Variants in HIP1R observed in about 807,000 individuals in gnomAD.
The protein encoded by HIP1R is huntingtin-interacting protein 1-related protein.
HIP1R carries 135 observed loss-of-function variants against 144.2 expected under a neutral mutation model. The ratio of observed to expected loss-of-function variants is 0.94; its 90% confidence interval spans 0.81 to 1.08. The LOEUF (loss-of-function observed/expected upper bound fraction) is 1.08, where lower values mean the gene tolerates loss of function less well. Ranked by LOEUF, HIP1R falls within the 50% of genes least tolerant of loss-of-function variation. The probability of loss-of-function intolerance (pLI) is 0.00; values close to 1 mark genes in which losing one functional copy is unlikely to be tolerated. For synonymous variants in HIP1R, 698 were observed against 612.8 expected, an observed-to-expected ratio of 1.14 and a Z score of -2.05; for missense variants, 1,462 against 1,432.8, an observed-to-expected ratio of 1.02 and a Z score of -0.33.
rs771056174 is a variant in HIP1R at position 122,860,807 on chromosome 12, G to C, written c.2766+23G>C. ...AAGGTGAGCTTGCACGCCGACAGCA[G>C]CACACTGGGCTCTGGGCCCAGCTTG... On this transcript the variant is annotated intron_variant, in intron 28 of 31. Coordinates refer to ENST00000253083, the MANE Select transcript of HIP1R (RefSeq NM_003959.3). 71 of 1,608,264 alleles carry C rather than the reference G, an allele frequency of 4.4e-5. No individual in the cohort carries two copies. In the Admixed American group the frequency reaches 1.2e-3, roughly 26 times the overall value.
intron 5 of HIP1R, 141 bp downstream of exon 5, chr12:122,850,096 C>G: frequency 1.4e-6 from 1 of 719,576 alleles, no homozygotes; most frequent in Non-Finnish European, 2.5e-6. Context: ...CCAACTATGA[C>G]TAAAGGGGAG....
intron 1 of HIP1R, among the ~76,000 whole-genome samples, chr12:122,839,445 G>T (rs1223842741): frequency 6.6e-6 from 1 of 152,240 alleles, no homozygotes; most frequent in African/African-American, 2.4e-5. Context: ...AGGGGTTCCT[G>T]TGGGGCAGGG....
chr12:122,856,221 AC>A, intron 14 of HIP1R, 34 bp from the exon 15 acceptor site: 3 of 1,613,026 alleles, frequency 1.9e-6, no homozygotes, highest in Non-Finnish European at 2.5e-6. Flanking sequence ...CTGCCACCCC[AC>A]ACGGGGCATC....
At chr12:122,851,039 G>A in intron 6 of HIP1R, 128 bp downstream of exon 6, 2 of 915,348 alleles carry the variant, frequency 2.2e-6, no homozygotes, top group Non-Finnish European at 3.4e-6. Context: ...GTTGGTTGAT[G>A]CTCACGCTCC....
At chr12:122,851,105 G>A in intron 6 of HIP1R, 131 bp from the exon 7 acceptor site, 3 of 911,298 alleles carry the variant, frequency 3.3e-6, no homozygotes, top group South Asian at 1.7e-5. Flanking sequence ...CTGTCGTCCT[G>A]GCAGAGGCAC....
intron 18 of HIP1R, 54 bp from the exon 19 acceptor site, chr12:122,858,048 C>T (rs1400570094): frequency 3.4e-6 from 5 of 1,472,352 alleles, no homozygotes; most frequent in Non-Finnish European, 4.5e-6. Context: ...GGCTGGGGCA[C>T]ATCCTTGGCC....
At chr12:122,848,143 G>A in intron 2 of HIP1R, 49 bp downstream of exon 2, 3 of 1,583,616 alleles carry the variant, frequency 1.9e-6, no homozygotes, top group Non-Finnish European at 1.7e-6. Context: ...GGATGTGGGA[G>A]CAGCGTAGTG....
intron 24 of HIP1R, 54 bp from the exon 25 acceptor site, chr12:122,859,993 G>A (rs1174846860): frequency 2.4e-5 from 36 of 1,522,644 alleles, no homozygotes; most frequent in African/African-American, 8.3e-5. Context: ...CCGCCATGGC[G>A]TCGTGTGGGC....
rs1486879869 is a variant in HIP1R, at chr12:122,836,494, G to T, written c.93+851G>T. ...GGGGACCCACGATGCAGACGTTGCT[G>T]CGTTTCTGGTTTCCTGTTGCTTTTT... On this transcript the variant is annotated intron_variant, in intron 1 of 31. Transcript: ENST00000253083. This position sits in a 1 kb window ranked among gnomAD's most constrained non-coding sequence, Gnocchi z 4.1. Among the ~76,000 whole-genome samples the T allele has an allele frequency of 6.6e-6, 1 of 152,166 alleles. No individual in the cohort carries two copies. Among genetic ancestry groups the T allele is most frequent in the South Asian group, 2.1e-4 (1 of 4,828 alleles).
At chr12:122,835,192 G>T, upstream of HIP1R, among the ~76,000 whole-genome samples, 1 of 116,276 alleles carries the variant, frequency 8.6e-6, no homozygotes, top group African/African-American at 3.4e-5. Context: ...TGAGGTGGGG[G>T]TTGGAGGTGT....
At chr12:122,845,953 G>T (rs1185386898) in intron 1 of HIP1R, among the ~76,000 whole-genome samples, 2 of 152,200 alleles carry the variant, frequency 1.3e-5, no homozygotes, top group African/African-American at 2.4e-5. Flanking sequence ...CCATCCCGGG[G>T]TTTCCTCAGT....
intron 1 of HIP1R, among the ~76,000 whole-genome samples, chr12:122,846,828 C>T (rs184547430): frequency 6.6e-6 from 1 of 152,222 alleles, no homozygotes; most frequent in African/African-American, 2.4e-5. Flanking sequence ...CCAGGTAGGG[C>T]CCCCCAGCTT....
chr12:122,851,011 G>C, intron 6 of HIP1R, 100 bp downstream of exon 6: 1 of 1,080,756 alleles, frequency 9.3e-7, no homozygotes, highest in Non-Finnish European at 1.4e-6. Flanking sequence ...CAGTGGGGTT[G>C]AATGAGTCCG....
At chr12:122,842,689 G>C (rs1243196903) in intron 1 of HIP1R, among the ~76,000 whole-genome samples, 1 of 152,216 alleles carries the variant, frequency 6.6e-6, no homozygotes. Context: ...TTTGCTGACA[G>C]TGCCCATTCC....
rs1593854627 is a variant in HIP1R, at chr12:122,836,072, C to T, written c.93+429C>T. On this transcript the variant is annotated intron_variant, in intron 1 of 31. Coordinates refer to ENST00000253083, the MANE Select transcript of HIP1R (RefSeq NM_003959.3). This position sits in a 1 kb window ranked among gnomAD's most constrained non-coding sequence, Gnocchi z 4.1. The stretch of plus-strand genomic sequence containing the variant: ...TGCTCCCGGGGCCGGCGCGGCCCGA[C>T]TGGGGTCCCCGACCTTCCGTGCCGC... 6.6e-6 allele frequency among the ~76,000 whole-genome samples: 1 copy of T among 152,102 alleles called. No individual in the cohort carries two copies. The highest frequency in any genetic ancestry group is 1.5e-5 in the Non-Finnish European group (1 of 67,982).
rs1270991000 is a variant in HIP1R, at chr12:122,857,131, G to A, written c.1731G>A (p.Val577=). 6.4e-7 allele frequency: 1 copy of A among 1,550,486 alleles called. No individual in the cohort carries two copies. The highest frequency in any genetic ancestry group is 8.7e-7 in the Non-Finnish European group (1 of 1,146,938). The change falls in exon 18 of 32, where the codon GTG becomes GTA. Residue 577 remains valine (V), a synonymous_variant. Transcript: ENST00000253083. The stretch of plus-strand genomic sequence containing the variant: ...ACCTGCTGGCGGCGCAGAGCCTGGT[G>A]CGCGAGACAGAGGCGGCGCTGAGCC... ...EADLLAAQSL[V]RETEAALSRE... is the part of the protein sequence containing the mutation.
Position 122,861,320 on chromosome 12 carries a change from G to C in HIP1R, c.2965G>C (p.Glu989Gln). Residue 989 changes from glutamate (E) to glutamine (Q), a missense_variant, in exon 31 of 32, where the codon GAG (glutamate) becomes CAG (glutamine). Transcript: ENST00000253083. Reference sequence around the variant, plus strand: ...CGTGTGGCTACAGGTGCGTGTCCTGGAGCTGGAGAAGACGCTGGAGGCTGA... The same window carrying C: ...CGTGTGGCTACAGGTGCGTGTCCTGCAGCTGGAGAAGACGCTGGAGGCTGA... ...QEMETQVRVLELEKTLEAERM... is the reference protein window; with the variant it reads ...QEMETQVRVLQLEKTLEAERM... 1 of 1,613,720 alleles carries C rather than the reference G, an allele frequency of 6.2e-7. No homozygotes were observed. Among genetic ancestry groups the C allele is most frequent in the Non-Finnish European group, 8.5e-7 (1 of 1,179,956 alleles).
chr12:122,849,848 C>G, intron 4 of HIP1R, 27 bp from the exon 5 acceptor site: 6 of 1,570,280 alleles, frequency 3.8e-6, no homozygotes, highest in Non-Finnish European at 5.3e-6. Flanking sequence ...CGAGCCGTGG[C>G]CCCTCACCCT....
chr12:122,853,586 G>A (rs561404435), intron 7 of HIP1R: 3 of 153,824 alleles, frequency 2.0e-5, no homozygotes, highest in Non-Finnish European at 2.9e-5. Flanking sequence ...CACTTGGGGT[G>A]TGCAGAGCCA....
Sources: allele counts gnomAD v4.1 joint callset (sites outside exome capture counted in the v4.1 genomes callset), GRCh38; gene constraint gnomAD v4.1.1; non-coding constraint Gnocchi (gnomAD v3.1); transcripts MANE v1.5; gene names NCBI Gene and HGNC (gene_info 2026-07-23, HGNC 2026-07-21).